The following IGFBP7 variants were observed in gnomAD, a reference collection of about 807,000 sequenced individuals.
The protein encoded by IGFBP7 is insulin like growth factor binding protein 7, also known as insulin-like growth factor-binding protein 7.
A neutral mutation model predicts 29.4 loss-of-function variants in IGFBP7; 31 were observed. The observed-to-expected ratio is 1.05, with a 90% CI of 0.79 to 1.42. The LOEUF (loss-of-function observed/expected upper bound fraction) is 1.42, where lower values mean the gene tolerates loss of function less well. IGFBP7 is among the 40% of genes most tolerant of loss of function. The pLI, the probability that IGFBP7 is intolerant of heterozygous loss-of-function variation, is 0.00. For synonymous variants in IGFBP7, 172 were observed against 174.9 expected (o/e 0.98, Z 0.13); for missense variants, 393 against 395.5 (o/e 0.99, Z 0.05).
At chr4:57,087,058 A>G (rs570656756) in intron 1 of IGFBP7, among the ~76,000 whole-genome samples, 1 of 152,226 alleles carries the variant, frequency 6.6e-6, no homozygotes, top group South Asian at 2.1e-4. Flanking sequence ...TTATGAGGAG[A>G]TTGAATACAG....
intron 1 of IGFBP7, among the ~76,000 whole-genome samples, chr4:57,059,441 T>C (rs1724744930): frequency 1.3e-5 from 2 of 152,228 alleles, no homozygotes; most frequent in East Asian, 1.9e-4. Context: ...TCATGTCTTT[T>C]GCAGGAACAC....
intron 1 of IGFBP7, among the ~76,000 whole-genome samples, chr4:57,058,829 A>G (rs1370985122): frequency 6.6e-6 from 1 of 152,256 alleles, no homozygotes; most frequent in African/African-American, 2.4e-5. Flanking sequence ...GAATAGGAGA[A>G]AATATTTGCA....
intron 1 of IGFBP7, among the ~76,000 whole-genome samples, chr4:57,074,374 C>T (rs778269104): frequency 1.3e-5 from 2 of 152,120 alleles, no homozygotes; most frequent in African/African-American, 2.4e-5. Context: ...AAATTTACCT[C>T]TAATCCCAAA....
intron 1 of IGFBP7, among the ~76,000 whole-genome samples, chr4:57,089,724 C>T (rs986148242): frequency 2.0e-5 from 3 of 152,186 alleles, no homozygotes; most frequent in Non-Finnish European, 4.4e-5. Flanking sequence ...ACCCCCTTCT[C>T]TGTCTCTTTT....
At chr4:57,037,063 T>C (rs187182789) in intron 2 of IGFBP7, among the ~76,000 whole-genome samples, 31 of 152,336 alleles carry the variant, frequency 2.0e-4, no homozygotes, top group Admixed American at 3.9e-4. Context: ...TTTTAGGAAA[T>C]GACACCTTCA....
intron 1 of IGFBP7, among the ~76,000 whole-genome samples, chr4:57,108,340 A>G (rs527268105): frequency 6.6e-6 from 1 of 152,334 alleles, no homozygotes; most frequent in Non-Finnish European, 1.5e-5. Context: ...GAACTGTGTT[A>G]AAGAAGCAAC....
rs1725253169 is a variant in IGFBP7 at position 57,077,319 on chromosome 4, C to G, written c.475+32558G>C. ...GACAGAGTCTCACTCTGTCTGTCGC[C>G]CAGGCTGGGATGTAGTGATGTGATC... On this transcript the variant is annotated intron_variant, in intron 1 of 4. Transcript: ENST00000295666. 2.0e-5 allele frequency among the ~76,000 whole-genome samples: 3 copies of G among 152,090 alleles called. No individual in the cohort carries two copies. The South Asian group carries it at 6.2e-4, about 32-fold the overall frequency.
At chr4:57,058,089 C>T (rs1315222381) in intron 1 of IGFBP7, among the ~76,000 whole-genome samples, 1 of 151,830 alleles carries the variant, frequency 6.6e-6, no homozygotes, top group Non-Finnish European at 1.5e-5. Flanking sequence ...ACAAAAAAGT[C>T]GTGGGTAATT....
intron 4 of IGFBP7, among the ~76,000 whole-genome samples, chr4:57,031,642 G>T (rs1020089062): frequency 6.6e-6 from 1 of 152,134 alleles, no homozygotes; most frequent in Non-Finnish European, 1.5e-5. Flanking sequence ...TTGTAGTCCG[G>T]ATCTCCTTCA....
intron 1 of IGFBP7, among the ~76,000 whole-genome samples, chr4:57,085,515 G>T (rs561611995): frequency 6.2e-4 from 95 of 152,152 alleles, no homozygotes; most frequent in African/African-American, 2.1e-3. Context: ...TTCTAATTTT[G>T]GCTTGTTACT....
chr4:57,032,614 A>G lies in IGFBP7; in HGVS notation c.703-62T>C. ...GGTCTTCTCTTTTGTCAGTGGTTCC[A>G]GTGAGGTCATTATTTCATAAATTTC... On this transcript the variant is annotated intron_variant, in intron 3 of 4. Coordinates refer to ENST00000295666, the MANE Select transcript of IGFBP7 (RefSeq NM_001553.3). 3.1e-6 allele frequency: 4 copies of G among 1,292,672 alleles called. No individual in the cohort carries two copies. The Admixed American group carries it at 5.0e-5, about 16-fold the overall frequency. 80.1% of individuals were successfully genotyped at this position (1,292,672 alleles called of 1,614,324 possible). A position where few individuals can be genotyped will look rare whatever the true frequency, so the allele number is the denominator to read the frequency against.
intron 1 of IGFBP7, among the ~76,000 whole-genome samples, chr4:57,073,894 C>A (rs149282533): frequency 1.3e-5 from 2 of 152,242 alleles, no homozygotes; most frequent in African/African-American, 4.8e-5. Flanking sequence ...TAATCTCTAT[C>A]GCACAAAGGT....
chr4:57,110,348 C>G lies in IGFBP7; in HGVS notation c.4G>C (p.Glu2Gln), dbSNP rs1726168162. Residue 2 changes from glutamate (E) to glutamine (Q), a missense_variant, in exon 1 of 5, where the codon GAG (glutamate) becomes CAG (glutamine). Glu to Gln is a conservative substitution (Grantham distance 29). Transcript: ENST00000295666. MERPSLRALLLG... is the reference protein window; with the variant it reads MQRPSLRALLLG... ...AGCAGGGCGCGCAGCGACGGCCGCT[C>G]CATGGCGGGGTGCGGTGGCAGCGGC... The G allele has an allele frequency of 7.3e-7, 1 of 1,362,200 alleles. No homozygotes were observed. The highest frequency in any genetic ancestry group is 3.2e-5 in the East Asian group (1 of 31,664). The allele number at this position is 1,362,200 out of a possible 1,614,324, so 84.4% of individuals were successfully genotyped here.
intron 4 of IGFBP7, among the ~76,000 whole-genome samples, chr4:57,031,699 G>A (rs1024588636): frequency 2.0e-5 from 3 of 152,162 alleles, no homozygotes; most frequent in African/African-American, 7.2e-5. Context: ...AGACTCAAAC[G>A]CATGGCTTGA....
intron 1 of IGFBP7, among the ~76,000 whole-genome samples, chr4:57,043,801 C>T (rs1412802530): frequency 6.6e-6 from 1 of 152,214 alleles, no homozygotes; most frequent in Non-Finnish European, 1.5e-5. Flanking sequence ...CTGTCTCAGA[C>T]ATTTCCTAGT....
chr4:57,068,427 C>CG (rs1226519198), intron 1 of IGFBP7, among the ~76,000 whole-genome samples: 11 of 151,976 alleles, frequency 7.2e-5, no homozygotes, highest in Admixed American at 5.3e-4. Context: ...CCAAGGGAGG[C>CG]GGGGGAAACG....
intron 1 of IGFBP7, among the ~76,000 whole-genome samples, chr4:57,055,974 C>A (rs1356354232): frequency 6.6e-6 from 1 of 152,020 alleles, no homozygotes; most frequent in Non-Finnish European, 1.5e-5. Flanking sequence ...GCTTGGCGGG[C>A]GTCTGGCGTT....
chr4:57,037,294 GTC>G (rs895793906), intron 2 of IGFBP7, among the ~76,000 whole-genome samples: 5 of 152,082 alleles, frequency 3.3e-5, no homozygotes, highest in African/African-American at 1.2e-4. Flanking sequence ...GTTCTGGAAA[GTC>G]TGCAGAAAAA....
intron 2 of IGFBP7, among the ~76,000 whole-genome samples, chr4:57,039,296 T>G (rs1407275724): frequency 1.3e-5 from 2 of 152,200 alleles, no homozygotes; most frequent in African/African-American, 4.8e-5. Context: ...TAATTTTTAC[T>G]TGCATTACTT....
Sources: gnomAD v4.1 joint callset for allele counts (sites outside exome capture counted in the v4.1 genomes callset) on GRCh38, gnomAD v4.1.1 for gene constraint, MANE v1.5 for transcripts, NCBI Gene and HGNC (gene_info 2026-07-23, HGNC 2026-07-21) for gene names.